The following MBTD1 variants were observed in gnomAD, a reference collection of about 807,000 sequenced individuals.
The protein encoded by MBTD1 is mbt domain containing 1.
MBTD1 carries 24 observed loss-of-function variants against 87.8 expected under a neutral mutation model. The ratio of observed to expected loss-of-function variants is 0.27; its 90% CI spans 0.20 to 0.38. The LOEUF (loss-of-function observed/expected upper bound fraction) is 0.38, where lower values mean the gene tolerates loss of function less well. MBTD1 is among the 10% of genes least tolerant of loss of function. The probability of loss-of-function intolerance (pLI) is 1.00; values close to 1 mark genes in which losing one functional copy is unlikely to be tolerated. For missense variants in MBTD1, 436 were observed against 760.2 expected, an observed-to-expected ratio of 0.57 and a Z score of 5.02; for synonymous variants, 237 against 248.6, an observed-to-expected ratio of 0.95 and a Z score of 0.44.
chr17:51,219,374 G>A (rs1450937636), intron 4 of MBTD1, among the ~76,000 whole-genome samples: 1 of 152,168 alleles, frequency 6.6e-6, no homozygotes, highest in Non-Finnish European at 1.5e-5. Flanking sequence ...AGAACCAGTG[G>A]TTATTTACTC....
intron 2 of MBTD1, among the ~76,000 whole-genome samples, chr17:51,230,648 G>A (rs190113002): frequency 6.6e-6 from 1 of 152,264 alleles, no homozygotes; most frequent in East Asian, 1.9e-4. Flanking sequence ...TAGGCAAAGG[G>A]AAGTGCAAGA....
intron 16 of MBTD1, among the ~76,000 whole-genome samples, chr17:51,188,782 G>A: frequency 6.8e-6 from 1 of 146,200 alleles, no homozygotes; most frequent in Non-Finnish European, 1.5e-5. Flanking sequence ...TTTTTGAGAG[G>A]GAGTTTTGCT....
At chr17:51,247,762 T>TA (rs952130591) in intron 2 of MBTD1, among the ~76,000 whole-genome samples, 18 of 152,222 alleles carry the variant, frequency 1.2e-4, no homozygotes, top group African/African-American at 2.4e-5. Flanking sequence ...GTATTACTCT[T>TA]ACGTCACAAA....
chr17:51,211,925 A>G (rs1004327661), intron 6 of MBTD1, among the ~76,000 whole-genome samples: 2 of 152,202 alleles, frequency 1.3e-5, no homozygotes, highest in Admixed American at 6.5e-5. Flanking sequence ...CTTAAAACCT[A>G]AAAGTATATG....
intron 2 of MBTD1, among the ~76,000 whole-genome samples, chr17:51,233,655 T>A (rs1400100837): frequency 6.6e-6 from 1 of 151,260 alleles, no homozygotes; most frequent in Non-Finnish European, 1.5e-5. Flanking sequence ...GGGAACAAAG[T>A]TACATAAAAG....
upstream of MBTD1, chr17:51,260,764 G>C (rs2055434738): frequency 2.5e-6 from 4 of 1,581,228 alleles, no homozygotes; most frequent in Non-Finnish European, 3.4e-6. Flanking sequence ...CGGCCGCTGC[G>C]ATTGCAGTCG....
At chr17:51,245,275 T>C (rs2054369198) in intron 2 of MBTD1, among the ~76,000 whole-genome samples, 1 of 152,210 alleles carries the variant, frequency 6.6e-6, no homozygotes. Flanking sequence ...GTTTTTAGTC[T>C]TAATTTTCTT....
chr17:51,241,808 T>C (rs932235062), intron 2 of MBTD1, among the ~76,000 whole-genome samples: 12 of 152,172 alleles, frequency 7.9e-5, no homozygotes, highest in African/African-American at 2.7e-4. Context: ...TCAACTGATC[T>C]GCCCGCCTTG....
rs572306133 is a variant in MBTD1, at chr17:51,220,351, T to C, written c.267A>G (p.Ala89=). ...SRSYSSNSKK[A]SILARLQGKP... ...TTACCTGAAGTCTGGCCAAAATGCT[T>C]GCCTTCTTGGAGTTTGACGAGTAAC... The change falls in exon 4 of 17, where the codon GCA becomes GCG. Residue 89 remains alanine (A), a synonymous_variant. Transcript: ENST00000586178. 7.7e-6 allele frequency: 12 copies of C among 1,550,790 alleles called. No individual in the cohort carries two copies. Among genetic ancestry groups the C allele is most frequent in the African/African-American group, 2.7e-5 (2 of 73,162 alleles).
At chr17:51,213,810 C>T (rs1013658240) in intron 6 of MBTD1, among the ~76,000 whole-genome samples, 14 of 152,150 alleles carry the variant, frequency 9.2e-5, no homozygotes, top group Non-Finnish European at 1.8e-4. Flanking sequence ...GGCAGCAACA[C>T]CCCATCTCTG....
intron 2 of MBTD1, chr17:51,251,338 C>A (rs1361664199): frequency 6.6e-6 from 1 of 152,090 alleles, no homozygotes; most frequent in Non-Finnish European, 1.5e-5. Context: ...TTCTTCACTG[C>A]CATGTTTCCA....
chr17:51,196,946 G>A (rs998525201), intron 12 of MBTD1, among the ~76,000 whole-genome samples: 7 of 149,630 alleles, frequency 4.7e-5, no homozygotes, highest in African/African-American at 1.7e-4. Flanking sequence ...TAGAGTAGTA[G>A]AATAAACTCT....
intron 12 of MBTD1, among the ~76,000 whole-genome samples, chr17:51,196,902 A>C (rs894619954): frequency 6.6e-6 from 1 of 151,432 alleles, no homozygotes; most frequent in Non-Finnish European, 1.5e-5. Flanking sequence ...AGGGGAAAAA[A>C]AATTTTTTTT....
intron 2 of MBTD1, among the ~76,000 whole-genome samples, chr17:51,227,920 CCAGCCTGGGCGA>C (rs753509376): frequency 3.4e-4 from 51 of 150,950 alleles, no homozygotes; most frequent in Non-Finnish European, 6.3e-4. Flanking sequence ...CCACTGCACT[CCAGCCTGGGCGA>C]CAGAGCAAGA....
intron 16 of MBTD1, among the ~76,000 whole-genome samples, chr17:51,182,343 T>C (rs1282246776): frequency 6.6e-6 from 1 of 152,108 alleles, no homozygotes; most frequent in East Asian, 1.9e-4. Context: ...GCTGGGCTGG[T>C]CTTGAACTCC....
intron 7 of MBTD1, among the ~76,000 whole-genome samples, chr17:51,206,306 C>T (rs1034762794): frequency 6.6e-6 from 1 of 152,114 alleles, no homozygotes; most frequent in East Asian, 1.9e-4. Context: ...ATGGGTCTCG[C>T]TATTTTGCCC....
intron 2 of MBTD1, among the ~76,000 whole-genome samples, chr17:51,258,561 C>T (rs979004833): frequency 2.0e-5 from 3 of 150,924 alleles, no homozygotes; most frequent in African/African-American, 7.3e-5. Flanking sequence ...GGAGGAAAGA[C>T]TAGCTTCCGA....
At chr17:51,250,224 T>C (rs9916077) in intron 2 of MBTD1, 93,939 of 151,914 alleles carry the variant, frequency 0.62, 29,549 homozygotes, top group African/African-American at 0.73. Context: ...CCTTTTATTT[T>C]CCATCCCATT....
upstream of MBTD1, chr17:51,260,598 G>A (rs371798813): frequency 1.9e-5 from 30 of 1,612,446 alleles, no homozygotes; most frequent in African/African-American, 2.3e-4. Flanking sequence ...CCGCCGGAGC[G>A]GAGGAGACGA....
Sources: allele counts gnomAD v4.1 joint callset (sites outside exome capture counted in the v4.1 genomes callset), GRCh38; gene constraint gnomAD v4.1.1; transcripts MANE v1.5; gene names NCBI Gene and HGNC (gene_info 2026-07-23, HGNC 2026-07-21).